The following GOLPH3 variants were observed in gnomAD, a reference collection of about 807,000 sequenced individuals.
GOLPH3 encodes coat protein GPP34.
In GOLPH3, 14 loss-of-function variants were observed where a neutral mutation model predicts 28.5. The ratio of observed to expected loss-of-function variants is 0.49; its 90% CI spans 0.32 to 0.77. The LOEUF is 0.77. GOLPH3 is among the 30% of genes least tolerant of loss of function. The pLI is 0.03. For synonymous variants in GOLPH3, 158 were observed against 159.2 expected (o/e 0.99, Z 0.06); for missense variants, 350 against 393.7 (o/e 0.89, Z 0.94).
intron 1 of GOLPH3, among the ~76,000 whole-genome samples, chr5:32,173,267 TAA>T (rs1746885741): frequency 1.3e-5 from 2 of 151,920 alleles, no homozygotes; most frequent in Non-Finnish European, 2.9e-5. Flanking sequence ...CTTTACTCAG[TAA>T]AAGAGCTTTT....
chr5:32,139,840 G>A (rs1417609657), intron 2 of GOLPH3, among the ~76,000 whole-genome samples: 1 of 152,134 alleles, frequency 6.6e-6, no homozygotes, highest in East Asian at 1.9e-4. Flanking sequence ...CAAAAGAGGT[G>A]TGATACCCTC....
At chr5:32,140,369 C>G (rs2111850742) in intron 2 of GOLPH3, among the ~76,000 whole-genome samples, 1 of 152,004 alleles carries the variant, frequency 6.6e-6, no homozygotes, top group African/African-American at 2.4e-5. Context: ...AAAAATTAGC[C>G]AGGAGGCTGG....
rs397997289 is a variant in GOLPH3, at chr5:32,137,909, G to GTTT, written c.358-2226_358-2224dup. Among the ~76,000 whole-genome samples the GTTT allele has an allele frequency of 2.5e-3, 354 of 143,126 alleles. 3 individuals are homozygous for GTTT. Among genetic ancestry groups the GTTT allele is most frequent in the African/African-American group, 8.5e-3 (328 of 38,730 alleles). 93.9% of individuals were successfully genotyped at this position (143,126 alleles called of 152,430 possible). On this transcript the variant is annotated intron_variant, in intron 2 of 3. Transcript: ENST00000265070. ...AAAATTTAACATTACGGTTTTTTTT[G>GTTT]TTTTTTTTTTTTGAGATGGAGTCTC...
At chr5:32,173,085 T>C (rs527272047) in intron 1 of GOLPH3, among the ~76,000 whole-genome samples, 1 of 152,118 alleles carries the variant, frequency 6.6e-6, no homozygotes, top group Admixed American at 6.5e-5. Flanking sequence ...TCTGATCAAC[T>C]CACAAACCTA....
intron 3 of GOLPH3, among the ~76,000 whole-genome samples, chr5:32,127,661 C>A (rs1028836493): frequency 1.3e-5 from 2 of 152,144 alleles, no homozygotes; most frequent in Non-Finnish European, 2.9e-5. Flanking sequence ...AAAGTTCTAG[C>A]GGACTATCTT....
intron 1 of GOLPH3, among the ~76,000 whole-genome samples, chr5:32,167,933 G>T (rs1746751823): frequency 6.6e-6 from 1 of 152,090 alleles, no homozygotes; most frequent in Non-Finnish European, 1.5e-5. Context: ...CAGTCTGGAA[G>T]ACAAAGCTAG....
chr5:32,132,857 T>G (rs1023745520), intron 3 of GOLPH3, among the ~76,000 whole-genome samples: 1 of 152,238 alleles, frequency 6.6e-6, no homozygotes, highest in Non-Finnish European at 1.5e-5. Context: ...TTTCTTCTTT[T>G]TACATGTTAT....
At chr5:32,168,756 T>C (rs551235617) in intron 1 of GOLPH3, among the ~76,000 whole-genome samples, 2 of 152,138 alleles carry the variant, frequency 1.3e-5, no homozygotes, top group Non-Finnish European at 2.9e-5. Context: ...AAAGAAAACA[T>C]ATGATTGGAC....
At chr5:32,159,105 C>T (rs1253505048) in intron 1 of GOLPH3, among the ~76,000 whole-genome samples, 1 of 152,188 alleles carries the variant, frequency 6.6e-6, no homozygotes, top group Non-Finnish European at 1.5e-5. Flanking sequence ...TCTGTCTTGC[C>T]TTCCAAGACC....
At chr5:32,147,001 C>A (rs1312260645) in intron 1 of GOLPH3, among the ~76,000 whole-genome samples, 12 of 152,050 alleles carry the variant, frequency 7.9e-5, no homozygotes. Context: ...GGCCCACAGG[C>A]CACGGGTTGG....
intron 2 of GOLPH3, among the ~76,000 whole-genome samples, chr5:32,139,817 T>C (rs935388282): frequency 2.6e-5 from 4 of 152,010 alleles, no homozygotes; most frequent in African/African-American, 9.6e-5. Flanking sequence ...ATAATACAGA[T>C]AAAGGAAATT....
chr5:32,164,022 G>T (rs1473458174), intron 1 of GOLPH3, among the ~76,000 whole-genome samples: 4 of 152,114 alleles, frequency 2.6e-5, no homozygotes, highest in Non-Finnish European at 5.9e-5. Flanking sequence ...GAAGGTAGTG[G>T]TGGAATACAA....
Position 32,173,977 on chromosome 5 carries a change from G to T in GOLPH3, c.58C>A (p.Arg20Ser). 1 of 1,385,468 alleles carries T rather than the reference G, an allele frequency of 7.2e-7. No homozygotes were observed. Among genetic ancestry groups the T allele is most frequent in the Non-Finnish European group, 9.3e-7 (1 of 1,077,224 alleles). The allele number at this position is 1,385,468 out of a possible 1,614,324, so 85.8% of individuals were successfully genotyped here. A position where few individuals can be genotyped will look rare whatever the true frequency, so the allele number is the denominator to read the frequency against. ...GLVQRRTEAS[R>S]NAADKERAAG... The stretch of plus-strand genomic sequence containing the variant: ...GCCCGCTCCTTGTCGGCGGCGTTGC[G>T]GGAGGCCTCGGTGCGCCGCTGCACC... The change falls in exon 1 of 4, where the codon CGC (arginine) becomes AGC (serine). Residue 20 changes from arginine (R) to serine (S), a missense_variant. Coordinates refer to ENST00000265070, the MANE Select transcript of GOLPH3 (RefSeq NM_022130.4).
intron 1 of GOLPH3, among the ~76,000 whole-genome samples, chr5:32,148,929 C>T (rs932617194): frequency 6.6e-6 from 1 of 152,038 alleles, no homozygotes; most frequent in Admixed American, 6.6e-5. Context: ...AAGCTGAGAT[C>T]GCACCACTGC....
intron 3 of GOLPH3, 95 bp downstream of exon 3, chr5:32,135,477 C>A: frequency 1.4e-6 from 1 of 735,458 alleles, no homozygotes; most frequent in South Asian, 1.7e-5. Context: ...ACTAAACAAG[C>A]TTCTGGCTAT....
intron 3 of GOLPH3, among the ~76,000 whole-genome samples, chr5:32,129,326 T>C (rs940280532): frequency 1.2e-4 from 18 of 152,202 alleles, no homozygotes; most frequent in Non-Finnish European, 4.4e-5. Context: ...ATTACGAGGA[T>C]TAAATATCAA....
intron 1 of GOLPH3, among the ~76,000 whole-genome samples, chr5:32,173,348 A>G (rs114280472): frequency 0.015 from 2,225 of 151,826 alleles, 22 homozygotes; most frequent in Non-Finnish European, 0.024. Flanking sequence ...AGAAGAAGAA[A>G]AAAAAAACAT....
intron 1 of GOLPH3, among the ~76,000 whole-genome samples, chr5:32,158,842 G>C (rs1746511905): frequency 6.6e-6 from 1 of 152,112 alleles, no homozygotes; most frequent in Admixed American, 6.5e-5. Context: ...TTAACATTTG[G>C]AATGTATCCT....
chr5:32,130,977 A>G (rs188201896), intron 3 of GOLPH3, among the ~76,000 whole-genome samples: 2 of 152,356 alleles, frequency 1.3e-5, no homozygotes, highest in Admixed American at 6.5e-5. Flanking sequence ...AAATTAGAAG[A>G]GCCTAAACAC....
Sources: gnomAD v4.1 joint callset for allele counts (sites outside exome capture counted in the v4.1 genomes callset) on GRCh38, gnomAD v4.1.1 for gene constraint, MANE v1.5 for transcripts, NCBI Gene and HGNC (gene_info 2026-07-23, HGNC 2026-07-21) for gene names.